Variants in HCN1 observed in about 807,000 individuals in gnomAD.
HCN1 encodes hyperpolarization activated cyclic nucleotide gated potassium channel 1.
Under a neutral mutation model 78.9 loss-of-function variants are expected in HCN1, and 13 were observed. The observed-to-expected ratio is 0.16, with a 90% CI of 0.11 to 0.26. The LOEUF (loss-of-function observed/expected upper bound fraction) is 0.26, where lower values mean the gene tolerates loss of function less well. HCN1 is among the 10% of genes least tolerant of loss of function. HCN1 has a pLI of 1.00. For missense variants in HCN1, 810 were observed against 1,154.3 expected, an observed-to-expected ratio of 0.70 and a Z score of 4.32; for synonymous variants, 552 against 455.5, an observed-to-expected ratio of 1.21 and a Z score of -2.70.
intron 2 of HCN1, among the ~76,000 whole-genome samples, chr5:45,569,551 A>G (rs948970967): frequency 3.3e-5 from 5 of 151,928 alleles, no homozygotes; most frequent in Non-Finnish European, 7.4e-5. Context: ...CTATTTAATT[A>G]ATTAATTTAA....
intron 2 of HCN1, among the ~76,000 whole-genome samples, chr5:45,547,772 T>C (rs1354478454): frequency 6.6e-6 from 1 of 151,898 alleles, no homozygotes; most frequent in Non-Finnish European, 1.5e-5. Context: ...TTCAATGTCT[T>C]CATGTAATAA....
intron 2 of HCN1, among the ~76,000 whole-genome samples, chr5:45,599,610 A>G (rs1253087697): frequency 6.6e-6 from 1 of 152,064 alleles, no homozygotes; most frequent in Non-Finnish European, 1.5e-5. Flanking sequence ...AAAGATAATC[A>G]CTGTAAGTTT....
At chr5:45,609,585 G>T (rs978485785) in intron 2 of HCN1, among the ~76,000 whole-genome samples, 2 of 152,016 alleles carry the variant, frequency 1.3e-5, no homozygotes, top group Admixed American at 6.6e-5. Context: ...ACCTTAAAAA[G>T]AATCCAACTA....
chr5:45,296,192 A>G (rs1745489900), intron 6 of HCN1, among the ~76,000 whole-genome samples: 1 of 151,968 alleles, frequency 6.6e-6, no homozygotes, highest in Admixed American at 6.6e-5. Context: ...ATGGAAGAAT[A>G]TTATTTTTCT....
chr5:45,542,027 G>GATTA (rs951973817), intron 2 of HCN1, among the ~76,000 whole-genome samples: 1 of 151,906 alleles, frequency 6.6e-6, no homozygotes, highest in South Asian at 2.1e-4. Context: ...CCATAACATA[G>GATTA]ATTAATTAAT....
intron 3 of HCN1, among the ~76,000 whole-genome samples, chr5:45,433,439 C>A (rs139779953): frequency 5.3e-5 from 8 of 151,876 alleles, no homozygotes; most frequent in Non-Finnish European, 8.8e-5. Flanking sequence ...GATTTTTCTA[C>A]ATCCTTTTAC....
chr5:45,655,633 G>A (rs1745749285), intron 1 of HCN1, among the ~76,000 whole-genome samples: 1 of 152,056 alleles, frequency 6.6e-6, no homozygotes, highest in Non-Finnish European at 1.5e-5. Flanking sequence ...TGATGCTATA[G>A]GTATAGCTCA....
chr5:45,356,251 A>T (rs972759271), intron 4 of HCN1, among the ~76,000 whole-genome samples: 5 of 152,006 alleles, frequency 3.3e-5, no homozygotes, highest in Non-Finnish European at 7.4e-5. Context: ...AAAAGCAAGG[A>T]TGCCAATACA....
chr5:45,449,979 C>G (rs990571046), intron 3 of HCN1, among the ~76,000 whole-genome samples: 3 of 152,110 alleles, frequency 2.0e-5, no homozygotes, highest in African/African-American at 7.2e-5. Context: ...ACTGCAGGTG[C>G]CTGCCACCAC....
intron 6 of HCN1, among the ~76,000 whole-genome samples, chr5:45,287,304 T>A (rs1429338522): frequency 6.6e-6 from 1 of 152,024 alleles, no homozygotes; most frequent in Non-Finnish European, 1.5e-5. Flanking sequence ...AGGCTCCTCA[T>A]TCGTATAAGA....
At chr5:45,675,906 AGAG>A (rs571044914) in intron 1 of HCN1, among the ~76,000 whole-genome samples, 126 of 151,938 alleles carry the variant, frequency 8.3e-4, no homozygotes, top group Admixed American at 2.0e-3. Context: ...AAGAGTGAAA[AGAG>A]AAATGCTGTA....
chr5:45,619,309 C>A (rs1366265800), intron 2 of HCN1, among the ~76,000 whole-genome samples: 2 of 152,064 alleles, frequency 1.3e-5, no homozygotes, highest in Admixed American at 6.6e-5. Context: ...ATTCTAAATA[C>A]TGTTCTTCAA....
At chr5:45,267,703 G>A (rs1418061314) in intron 6 of HCN1, among the ~76,000 whole-genome samples, 2 of 152,160 alleles carry the variant, frequency 1.3e-5, no homozygotes, top group Admixed American at 6.5e-5. Context: ...GGGAGGCAGA[G>A]GTTGCAGTGA....
Position 45,347,090 on chromosome 5 carries a change from C to T in HCN1, c.1377+6010G>A, listed in dbSNP as rs552018224. ...AAGTGGGTCCCTGACCCCTGATCCC[C>T]GAACAGCCTAACTGGGAGGCACCTC... On this transcript the variant is annotated intron_variant, in intron 5 of 7. Coordinates refer to ENST00000303230, the MANE Select transcript of HCN1 (RefSeq NM_021072.4). Among the ~76,000 whole-genome samples the T allele has an allele frequency of 4.4e-3, 664 of 152,300 alleles. 3 individuals carry two copies. The highest frequency in any genetic ancestry group is 6.2e-3 in the Non-Finnish European group (422 of 68,020).
chr5:45,634,528 T>C (rs1745325239), intron 2 of HCN1, among the ~76,000 whole-genome samples: 1 of 152,080 alleles, frequency 6.6e-6, no homozygotes. Flanking sequence ...AATCTATACA[T>C]CATCTAATAT....
chr5:45,266,656 T>C (rs1425619815), intron 7 of HCN1, among the ~76,000 whole-genome samples: 1 of 151,726 alleles, frequency 6.6e-6, no homozygotes, highest in African/African-American at 2.4e-5. Context: ...TACAGCTAAT[T>C]GCTATTTCTA....
chr5:45,313,012 A>G (rs1745889682), intron 5 of HCN1, among the ~76,000 whole-genome samples: 1 of 152,124 alleles, frequency 6.6e-6, no homozygotes, highest in African/African-American at 2.4e-5. Flanking sequence ...AGCTTTGAAG[A>G]CAGTAGTGGT....
At chr5:45,536,753 ATAG>A (rs966919116) in intron 2 of HCN1, among the ~76,000 whole-genome samples, 1 of 152,200 alleles carries the variant, frequency 6.6e-6, no homozygotes, top group African/African-American at 2.4e-5. Context: ...TGAATAATAA[ATAG>A]TAATAATAAA....
At chr5:45,417,255 C>T (rs998982301) in intron 3 of HCN1, among the ~76,000 whole-genome samples, 1 of 151,788 alleles carries the variant, frequency 6.6e-6, no homozygotes, top group Admixed American at 6.6e-5. Flanking sequence ...CAAGTGGACA[C>T]TAATAAATTT....
Sources: gnomAD v4.1 joint callset for allele counts (sites outside exome capture counted in the v4.1 genomes callset) on GRCh38, gnomAD v4.1.1 for gene constraint, MANE v1.5 for transcripts, NCBI Gene and HGNC (gene_info 2026-07-23, HGNC 2026-07-21) for gene names.